ZNF804A: variants seen among roughly 807,000 people sequenced by gnomAD.
The protein encoded by ZNF804A is zinc finger protein 804A.
In ZNF804A, 2 loss-of-function variants were observed where a neutral mutation model predicts 16.5. The observed-to-expected ratio is 0.12, with a 90% CI of 0.05 to 0.38. ZNF804A has a LOEUF of 0.38. Among genes scored for constraint, ZNF804A ranks in the 10% least tolerant of loss-of-function variants. The pLI, the probability that ZNF804A is intolerant of heterozygous loss-of-function variation, is 0.99. For synonymous variants in ZNF804A, 534 were observed against 489.6 expected (o/e 1.09, Z -1.20); for missense variants, 1,473 against 1,390.7 (o/e 1.06, Z -0.94).
chr2:184,616,363 T>C (rs1230778283), intron 1 of ZNF804A, among the ~76,000 whole-genome samples: 1 of 152,130 alleles, frequency 6.6e-6, no homozygotes, highest in Admixed American at 6.6e-5. Context: ...CCAAATGTTA[T>C]CTTGAAATAT....
intron 1 of ZNF804A, among the ~76,000 whole-genome samples, chr2:184,718,528 G>A (rs1170950472): frequency 1.3e-5 from 2 of 152,102 alleles, no homozygotes; most frequent in Non-Finnish European, 2.9e-5. Flanking sequence ...AAGCAAGTTA[G>A]TTACTTCCTA....
chr2:184,639,782 C>A (rs868417676), intron 1 of ZNF804A, among the ~76,000 whole-genome samples: 1 of 152,016 alleles, frequency 6.6e-6, no homozygotes, highest in African/African-American at 2.4e-5. Flanking sequence ...GCAGGCGGAT[C>A]ACGAGGTCAG....
intron 1 of ZNF804A, among the ~76,000 whole-genome samples, chr2:184,601,461 A>C (rs188774525): frequency 6.6e-6 from 1 of 152,014 alleles, no homozygotes; most frequent in Non-Finnish European, 1.5e-5. Flanking sequence ...AAGAAATACA[A>C]ACATCATCTT....
At chr2:184,769,248 G>A (rs549870184) in intron 1 of ZNF804A, among the ~76,000 whole-genome samples, 26 of 152,166 alleles carry the variant, frequency 1.7e-4, no homozygotes, top group African/African-American at 6.0e-4. Context: ...ACTGCTGTAA[G>A]TTATGAATCA....
intron 1 of ZNF804A, among the ~76,000 whole-genome samples, chr2:184,749,383 T>G (rs1693842100): frequency 6.6e-6 from 1 of 151,354 alleles, no homozygotes; most frequent in Non-Finnish European, 1.5e-5. Flanking sequence ...AGCTTGGATG[T>G]TATTGGTGTA....
rs1172090057 is a variant in ZNF804A, at chr2:184,937,216, A to C, written c.1820A>C (p.His607Pro). 3.1e-6 allele frequency: 5 copies of C among 1,608,486 alleles called. No individual in the cohort carries two copies. Among genetic ancestry groups the C allele is most frequent in the Non-Finnish European group, 3.4e-6 (4 of 1,178,666 alleles). The change falls in exon 4 of 4, where the codon CAT becomes CCT. Residue 607 changes from histidine to proline, a missense_variant. His to Pro is a moderately conservative substitution (Grantham distance 77). Coordinates refer to ENST00000302277, the MANE Select transcript of ZNF804A (RefSeq NM_194250.2). Reference protein sequence around the residue: ...KKRKKLCQHHHMEKTKESETR... With the variant: ...KKRKKLCQHHPMEKTKESETR... ...AGAAAAAAGTTATGTCAGCATCATC[A>C]TATGGAGAAAACCAAAGAATCAGAA... is the stretch of plus-strand genomic sequence containing the variant.
At chr2:184,611,763 G>A (rs531504997) in intron 1 of ZNF804A, among the ~76,000 whole-genome samples, 1 of 152,260 alleles carries the variant, frequency 6.6e-6, no homozygotes, top group African/African-American at 2.4e-5. Context: ...AATTTTATTA[G>A]TAAAGAGTCA....
At chr2:184,847,528 C>T in intron 1 of ZNF804A, among the ~76,000 whole-genome samples, 1 of 151,992 alleles carries the variant, frequency 6.6e-6, no homozygotes, top group East Asian at 1.9e-4. Flanking sequence ...GCCCTCTTGC[C>T]AAACAGGGAA....
At position 184,813,238 on chromosome 2, in the gene ZNF804A, A is replaced by T. The variant is rs190369065; in HGVS notation, c.112-53131A>T. Among the ~76,000 whole-genome samples, 309 of 150,896 alleles carry T rather than the reference A, an allele frequency of 2.0e-3. 1 individual carries two copies. Among genetic ancestry groups the T allele is most frequent in the African/African-American group, 7.2e-3 (296 of 40,858 alleles). On this transcript the variant is annotated intron_variant, in intron 1 of 3. Coordinates refer to ENST00000302277, the MANE Select transcript of ZNF804A (RefSeq NM_194250.2). ...TAACTTAGTAGGCACTATGATAATT[A>T]AAAAAAAAGTATAAAACTGCTCTCT...
At chr2:184,802,844 A>T (rs747659000) in intron 1 of ZNF804A, among the ~76,000 whole-genome samples, 13 of 152,202 alleles carry the variant, frequency 8.5e-5, no homozygotes, top group Non-Finnish European at 1.8e-4. Context: ...CCCAATTAGG[A>T]GTCATTACTG....
intron 1 of ZNF804A, among the ~76,000 whole-genome samples, chr2:184,788,649 T>A (rs1437484377): frequency 3.9e-5 from 6 of 152,130 alleles, no homozygotes; most frequent in African/African-American, 1.4e-4. Context: ...GTTATTGGTG[T>A]ATACAAATGC....
At chr2:184,655,518 A>C (rs965075868) in intron 1 of ZNF804A, among the ~76,000 whole-genome samples, 1 of 152,232 alleles carries the variant, frequency 6.6e-6, no homozygotes, top group African/African-American at 2.4e-5. Flanking sequence ...ATTTAAATTT[A>C]GAATTAACTT....
chr2:184,854,260 A>T lies in ZNF804A; in HGVS notation c.112-12109A>T, dbSNP rs565679760. On this transcript the variant is annotated intron_variant, in intron 1 of 3. Transcript: ENST00000302277. The stretch of plus-strand genomic sequence containing the variant: ...TGACCTCATGTGATGGATCACAGTC[A>T]AAATACAGGCACACTACACAATTTA... 2.6e-5 allele frequency among the ~76,000 whole-genome samples: 4 copies of T among 152,124 alleles called. No homozygotes were observed. In the South Asian group the frequency reaches 8.3e-4, roughly 32 times the overall value.
At chr2:184,633,537 A>G (rs1691645375) in intron 1 of ZNF804A, among the ~76,000 whole-genome samples, 1 of 152,170 alleles carries the variant, frequency 6.6e-6, no homozygotes, top group Non-Finnish European at 1.5e-5. Context: ...TAGTGACTTG[A>G]ACGGAGGTAA....
At chr2:184,817,109 A>C (rs1226473480) in intron 1 of ZNF804A, among the ~76,000 whole-genome samples, 3 of 151,968 alleles carry the variant, frequency 2.0e-5, no homozygotes, top group African/African-American at 7.2e-5. Context: ...CATTTGGAGA[A>C]GTGGTCATGG....
intron 1 of ZNF804A, among the ~76,000 whole-genome samples, chr2:184,738,677 T>C (rs1034617748): frequency 5.3e-5 from 8 of 152,096 alleles, no homozygotes; most frequent in South Asian, 2.1e-4. Flanking sequence ...CAAAGTATCA[T>C]CAAAGTAACA....
intron 1 of ZNF804A, among the ~76,000 whole-genome samples, chr2:184,788,241 G>T (rs766867874): frequency 2.6e-5 from 4 of 151,880 alleles, no homozygotes; most frequent in Non-Finnish European, 5.9e-5. Flanking sequence ...TGTTACTATA[G>T]CCTTATAGTA....
At chr2:184,845,358 T>C (rs1053423494) in intron 1 of ZNF804A, among the ~76,000 whole-genome samples, 2 of 152,170 alleles carry the variant, frequency 1.3e-5, no homozygotes, top group African/African-American at 4.8e-5. Flanking sequence ...AGCCTCTTAA[T>C]GTCTCTATCT....
chr2:184,671,873 T>C (rs1032226804), intron 1 of ZNF804A, among the ~76,000 whole-genome samples: 1 of 152,226 alleles, frequency 6.6e-6, no homozygotes, highest in Non-Finnish European at 1.5e-5. Flanking sequence ...TTTACCATAG[T>C]GTGTTATTGT....
Sources: gnomAD v4.1 joint callset for allele counts (sites outside exome capture counted in the v4.1 genomes callset) on GRCh38, gnomAD v4.1.1 for gene constraint, MANE v1.5 for transcripts, NCBI Gene and HGNC (gene_info 2026-07-23, HGNC 2026-07-21) for gene names.